Variants in CTBS observed in about 807,000 individuals in gnomAD.
The protein encoded by CTBS is chitobiase.
Under a neutral mutation model 44.3 loss-of-function variants are expected in CTBS, and 35 were observed. The observed-to-expected ratio is 0.79, with a 90% confidence interval of 0.60 to 1.05. The LOEUF is 1.05. CTBS is among the 50% of genes least tolerant of loss of function. The pLI is 0.00. For missense variants in CTBS, 458 were observed against 475.3 expected, an observed-to-expected ratio of 0.96 and a Z score of 0.34; for synonymous variants, 143 against 168.0, an observed-to-expected ratio of 0.85 and a Z score of 1.15.
At chr1:84,571,886 C>T (rs1274344689) in intron 1 of CTBS, among the ~76,000 whole-genome samples, 6 of 152,152 alleles carry the variant, frequency 3.9e-5, no homozygotes, top group Non-Finnish European at 7.3e-5. Flanking sequence ...AGATTGCATT[C>T]TCAACTGAGG....
chr1:84,555,084 C>T lies in CTBS; in HGVS notation c.1073G>A (p.Cys358Tyr), dbSNP rs1304958373. ...TACAGCATCTCCAGAGTAGTCAAGA[C>T]AGTTTGCATTCCACATGCCAATGCC... Reference protein sequence around the residue: ...LRGIGMWNANCLDYSGDAVAK... With the variant: ...LRGIGMWNANYLDYSGDAVAK... Residue 358 changes from cysteine (C) to tyrosine (Y), a missense_variant, in exon 7 of 7, where the codon TGT (cysteine) becomes TAT (tyrosine). Cys to Tyr is a radical substitution (Grantham distance 194). Coordinates refer to ENST00000370630, the MANE Select transcript of CTBS (RefSeq NM_004388.3). The T allele has an allele frequency of 3.1e-6, 5 of 1,614,006 alleles. No homozygotes were observed. Among genetic ancestry groups the T allele is most frequent in the Non-Finnish European group, 4.2e-6 (5 of 1,179,948 alleles).
intron 4 of CTBS, 87 bp from the exon 5 acceptor site, chr1:84,563,919 T>C: frequency 2.1e-6 from 3 of 1,399,248 alleles, no homozygotes; most frequent in East Asian, 2.7e-5. Flanking sequence ...CAGAATCTGT[T>C]TGTAAAAACA....
intron 4 of CTBS, among the ~76,000 whole-genome samples, chr1:84,565,580 A>G (rs775921406): frequency 8.5e-5 from 13 of 152,208 alleles, no homozygotes; most frequent in Non-Finnish European, 1.8e-4. Context: ...TAGTTATGCA[A>G]TCATGAGCAG....
At chr1:84,564,150 TATG>T (rs1187890383) in intron 4 of CTBS, among the ~76,000 whole-genome samples, 5 of 152,346 alleles carry the variant, frequency 3.3e-5, no homozygotes, top group African/African-American at 1.2e-4. Context: ...AATTCTAAGA[TATG>T]ATATACTTGA....
intron 3 of CTBS, among the ~76,000 whole-genome samples, chr1:84,568,941 G>A (rs541830910): frequency 6.6e-6 from 1 of 152,262 alleles, no homozygotes; most frequent in South Asian, 2.1e-4. Flanking sequence ...AGAACCGTGA[G>A]CCAATTAAAC....
chr1:84,574,159 T>C (rs1246787729), intron 1 of CTBS, 80 bp downstream of exon 1: 9 of 1,546,750 alleles, frequency 5.8e-6, no homozygotes, highest in Non-Finnish European at 7.0e-6. Context: ...CCACGGCACC[T>C]CTCCTTAGGG....
intron 6 of CTBS, among the ~76,000 whole-genome samples, chr1:84,562,676 A>T (rs1684617162): frequency 6.6e-6 from 1 of 152,254 alleles, no homozygotes; most frequent in Non-Finnish European, 1.5e-5. Context: ...AGCAATTCCT[A>T]TTAAACACTA....
chr1:84,553,029 T>C lies in CTBS; in HGVS notation c.*1970A>G. 1 of 1,507,544 alleles carries C rather than the reference T, an allele frequency of 6.6e-7. No homozygotes were observed. The highest frequency in any genetic ancestry group is 8.9e-7 in the Non-Finnish European group (1 of 1,125,008). 93.4% of individuals were successfully genotyped at this position (1,507,544 alleles called of 1,614,324 possible). A position where few individuals can be genotyped will look rare whatever the true frequency, so the allele number is the denominator to read the frequency against. On this transcript the variant is annotated 3_prime_UTR_variant, in exon 7 of 7. Transcript: ENST00000370630. ...GTTCATTTTTGAAAAGTAATTCTTT[T>C]TATAGATGAGAAAACAAGCAGTTTC...
Position 84,555,075 on chromosome 1 carries a change from T to C in CTBS, c.1082A>G (p.Tyr361Cys). 6.2e-7 allele frequency: 1 copy of C among 1,613,962 alleles called. No individual in the cohort carries two copies. Among genetic ancestry groups the C allele is most frequent in the Non-Finnish European group, 8.5e-7 (1 of 1,179,958 alleles). The change falls in exon 7 of 7, where the codon TAC becomes TGC. Residue 361 changes from tyrosine to cysteine, a missense_variant. By Grantham distance (194) the Tyr-to-Cys change is radical (BLOSUM62 -2). Coordinates refer to ENST00000370630, the MANE Select transcript of CTBS (RefSeq NM_004388.3). ...CTGTTTGGCTACAGCATCTCCAGAG[T>C]AGTCAAGACAGTTTGCATTCCACAT... ...IGMWNANCLD[Y>C]SGDAVAKQQT...
chr1:84,565,584 T>C (rs1684684329), intron 4 of CTBS, among the ~76,000 whole-genome samples: 2 of 152,188 alleles, frequency 1.3e-5, no homozygotes, highest in South Asian at 4.1e-4. Context: ...TATGCAATCA[T>C]GAGCAGTTAA....
At chr1:84,565,509 G>T (rs538972348) in intron 4 of CTBS, among the ~76,000 whole-genome samples, 2 of 152,084 alleles carry the variant, frequency 1.3e-5, no homozygotes, top group Non-Finnish European at 2.9e-5. Flanking sequence ...GTGATTTCAT[G>T]ACAAGAATAT....
chr1:84,562,770 A>C (rs1684618528), intron 6 of CTBS, among the ~76,000 whole-genome samples: 2 of 152,162 alleles, frequency 1.3e-5, no homozygotes, highest in Non-Finnish European at 2.9e-5. Flanking sequence ...TTGCTTTATA[A>C]TTTAATTATA....
intron 2 of CTBS, among the ~76,000 whole-genome samples, 196 bp from the exon 3 acceptor site, chr1:84,570,335 G>C (rs1417372449): frequency 1.3e-5 from 2 of 152,150 alleles, no homozygotes; most frequent in Non-Finnish European, 2.9e-5. Context: ...AGAAATTGTG[G>C]ACTATGATTA....
chr1:84,555,011 C>T lies in CTBS; in HGVS notation c.1146G>A (p.Leu382=). The change falls in exon 7 of 7, where the codon CTG becomes CTA. Residue 382 remains leucine, a synonymous_variant. Transcript: ENST00000370630. ...TGACAAAAGATGTTCATCTCTGTAACAGCTTTGGCTTTAAGACTTCCCACA... is the reference window on the plus strand; with the variant it reads ...TGACAAAAGATGTTCATCTCTGTAATAGCTTTGGCTTTAAGACTTCCCACA... ...EEMWEVLKPK[L]LQR is the part of the protein sequence containing the mutation. 1.9e-6 allele frequency: 3 copies of T among 1,613,584 alleles called. No individual in the cohort carries two copies. The highest frequency in any genetic ancestry group is 2.5e-6 in the Non-Finnish European group (3 of 1,179,758).
rs972198982 is a variant in CTBS, at chr1:84,568,111, T to C, written c.525+1820A>G. 9.2e-5 allele frequency among the ~76,000 whole-genome samples: 14 copies of C among 152,202 alleles called. No individual in the cohort carries two copies. The South Asian group carries it at 1.2e-3, about 14-fold the overall frequency. On this transcript the variant is annotated intron_variant, in intron 3 of 6. Transcript: ENST00000370630. ...GTCCCTCCCACTAATTCACCTAACA[T>C]GAACTTGACATGTAGCCCAAATTGT...
intron 4 of CTBS, 199 bp from the exon 5 acceptor site, chr1:84,564,031 T>TGTTTTCTCCTATTCAA: frequency 4.8e-6 from 1 of 209,742 alleles, no homozygotes; most frequent in Non-Finnish European, 8.3e-6. Flanking sequence ...TCTCTTTGAA[T>TGTTTTCTCCTATTCAA]AGGAGAAAAC....
chr1:84,571,976 A>C (rs1369696095), intron 1 of CTBS, among the ~76,000 whole-genome samples: 2 of 152,252 alleles, frequency 1.3e-5, no homozygotes, highest in African/African-American at 4.8e-5. Context: ...TAGGTAGAGC[A>C]CAGAAATCCT....
At position 84,568,000 on chromosome 1, in the gene CTBS, C is replaced by G. The variant is rs117678809; in HGVS notation, c.525+1931G>C. On this transcript the variant is annotated intron_variant, in intron 3 of 6. Coordinates refer to ENST00000370630, the MANE Select transcript of CTBS (RefSeq NM_004388.3). Reference sequence around the variant, plus strand: ...TAGTTTCCCCAAACACTATTTTACACACATAACCCATTACACACAGAATAA... The same window carrying G: ...TAGTTTCCCCAAACACTATTTTACAGACATAACCCATTACACACAGAATAA... Among the ~76,000 whole-genome samples the G allele has an allele frequency of 5.8e-4, 89 of 152,252 alleles. 1 individual carries two copies. The East Asian group carries it at 0.017, about 28-fold the overall frequency.
chr1:84,564,152 T>A (rs1411055509), intron 4 of CTBS, among the ~76,000 whole-genome samples: 1 of 152,220 alleles, frequency 6.6e-6, no homozygotes, highest in Admixed American at 6.5e-5. Context: ...TTCTAAGATA[T>A]GATATACTTG....
Sources: gnomAD v4.1 joint callset for allele counts (sites outside exome capture counted in the v4.1 genomes callset) on GRCh38, gnomAD v4.1.1 for gene constraint, MANE v1.5 for transcripts, NCBI Gene and HGNC (gene_info 2026-07-23, HGNC 2026-07-21) for gene names.